Variants in TXNRD2 observed in about 807,000 individuals in gnomAD.
TXNRD2 encodes thioredoxin reductase 2, mitochondrial.
Under a neutral mutation model 70.8 loss-of-function variants are expected in TXNRD2, and 67 were observed. That is an observed-to-expected ratio of 0.95 (90% CI 0.78 to 1.16). The LOEUF is 1.16. TXNRD2 is among the 50% of genes most tolerant of loss of function. The pLI, the probability that TXNRD2 is intolerant of heterozygous loss-of-function variation, is 0.00. For synonymous variants in TXNRD2, 301 were observed against 295.8 expected (o/e 1.02, Z -0.18); for missense variants, 644 against 719.9 (o/e 0.89, Z 1.21).
In TXNRD2 at chr22:19,880,707, T is replaced by C; in HGVS notation, c.1097A>G (p.Glu366Gly). 6.2e-7 allele frequency: 1 copy of C among 1,611,476 alleles called. No individual in the cohort carries two copies. Among genetic ancestry groups the C allele is most frequent in the Non-Finnish European group, 8.5e-7 (1 of 1,179,674 alleles). ...AIGDVVEGRPELTPIAIMAGR... is the reference protein window; with the variant it reads ...AIGDVVEGRPGLTPIAIMAGR... ...GGCCATGATCGCTATGGGTGTCAGCTCAGGCCGCCCCTTGGGGAAGGCACA... is the reference window on the plus strand; with the variant it reads ...GGCCATGATCGCTATGGGTGTCAGCCCAGGCCGCCCCTTGGGGAAGGCACA... The change falls in exon 13 of 18, where the codon GAG (glutamate) becomes GGG (glycine). Residue 366 changes from glutamate to glycine, a missense_variant. Coordinates refer to ENST00000400521, the MANE Select transcript of TXNRD2 (RefSeq NM_006440.5).
chr22:19,915,093 A>T (rs1940573461), intron 7 of TXNRD2, 121 bp downstream of exon 7: 1 of 888,124 alleles, frequency 1.1e-6, no homozygotes, highest in Non-Finnish European at 1.8e-6. Context: ...GATGATAGTG[A>T]GTATAGGGGG....
intron 5 of TXNRD2, chr22:19,916,104 C>T: frequency 4.4e-6 from 2 of 457,380 alleles, no homozygotes; most frequent in South Asian, 2.0e-5. Context: ...TCAGCACGGT[C>T]CTAAGAGGCC....
intron 11 of TXNRD2, among the ~76,000 whole-genome samples, chr22:19,893,463 C>T (rs1939353806): frequency 6.6e-6 from 1 of 152,198 alleles, no homozygotes; most frequent in Non-Finnish European, 1.5e-5. Flanking sequence ...TGACGAGGAC[C>T]CGCAGCCCTC....
rs35099271 is a variant in TXNRD2, at chr22:19,880,221, G to A, written c.1233C>T (p.Ser411=). 2,738 of 1,613,714 alleles carry A rather than the reference G, an allele frequency of 1.7e-3. 34 individuals are homozygous for A. In the African/African-American group the frequency reaches 0.032, roughly 19 times the overall value. The change falls in exon 14 of 18, where the codon TCC becomes TCT. Residue 411 remains serine, a synonymous_variant. Transcript: ENST00000400521. ...TPLEYGCVGL[S]EEEAVARHGQ... ...CGTGGCGAGCCACTGCCTCCTCCTC[G>A]GACAGCCCCACACAGCCATACTCCA...
At chr22:19,880,829 A>C in intron 12 of TXNRD2, 112 bp from the exon 13 acceptor site, 3 of 716,708 alleles carry the variant, frequency 4.2e-6, no homozygotes, top group Non-Finnish European at 7.2e-6. Context: ...AAAATCCCCA[A>C]CACTGGCACC....
chr22:19,934,633 G>A (rs1328847159), intron 1 of TXNRD2, among the ~76,000 whole-genome samples: 4 of 149,808 alleles, frequency 2.7e-5, no homozygotes, highest in African/African-American at 9.8e-5. Flanking sequence ...CACAATCTCA[G>A]CTCACTGCAA....
At chr22:19,888,242 C>G (rs1601398172) in intron 11 of TXNRD2, among the ~76,000 whole-genome samples, 1 of 152,306 alleles carries the variant, frequency 6.6e-6, no homozygotes, top group Middle Eastern at 3.4e-3. Flanking sequence ...CTCCTCTGAT[C>G]ACAATGAGAG....
Position 19,923,770 on chromosome 22 carries a change from C to G in TXNRD2, c.173-4171G>C, listed in dbSNP as rs1941008500. The stretch of plus-strand genomic sequence containing the variant: ...TGAGCCGAGATGGCACCACTGCACT[C>G]AAGCCTGGGCAACAAGAGTGAAACT... On this transcript the variant is annotated intron_variant, in intron 2 of 17. Transcript: ENST00000400521. Among the ~76,000 whole-genome samples, 3 of 149,548 alleles carry G rather than the reference C, an allele frequency of 2.0e-5. No homozygotes were observed. The South Asian group carries it at 6.3e-4, about 32-fold the overall frequency.
At chr22:19,923,568 C>A (rs375931969) in intron 2 of TXNRD2, among the ~76,000 whole-genome samples, 20 of 152,162 alleles carry the variant, frequency 1.3e-4, no homozygotes, top group African/African-American at 4.6e-4. Flanking sequence ...GGGCAGATCA[C>A]CTGAGGTCAG....
intron 8 of TXNRD2, 100 bp from the exon 9 acceptor site, chr22:19,899,168 C>T: frequency 6.7e-7 from 1 of 1,487,644 alleles, no homozygotes; most frequent in Non-Finnish European, 9.2e-7. Flanking sequence ...GGCCCTTGGT[C>T]AGCTCGTGGG....
chr22:19,941,550 C>T, intron 1 of TXNRD2, 151 bp downstream of exon 1: 6 of 1,269,906 alleles, frequency 4.7e-6, no homozygotes, highest in Non-Finnish European at 5.0e-6. Flanking sequence ...GCCCGGACTC[C>T]TGAGCAAGAC....
At chr22:19,885,505 C>T (rs982110091) in intron 11 of TXNRD2, among the ~76,000 whole-genome samples, 2 of 152,230 alleles carry the variant, frequency 1.3e-5, no homozygotes, top group Non-Finnish European at 2.9e-5. Context: ...GAATTGGGTG[C>T]CGGGAGGGCT....
intron 8 of TXNRD2, among the ~76,000 whole-genome samples, chr22:19,907,687 G>A (rs1940118527): frequency 2.0e-5 from 1 of 50,456 alleles, no homozygotes; most frequent in Non-Finnish European, 4.0e-5. Context: ...GAGAGTGTGG[G>A]CGCCGTGGGT....
At chr22:19,908,963 G>A (rs1356767546) in intron 8 of TXNRD2, among the ~76,000 whole-genome samples, 6 of 152,144 alleles carry the variant, frequency 3.9e-5, no homozygotes, top group Non-Finnish European at 8.8e-5. Flanking sequence ...CCAGCACTTT[G>A]GAAGGCCAAG....
chr22:19,888,445 C>T (rs1363655477), intron 11 of TXNRD2, among the ~76,000 whole-genome samples: 1 of 152,266 alleles, frequency 6.6e-6, no homozygotes, highest in Non-Finnish European at 1.5e-5. Context: ...TATCATGCGC[C>T]TCTCTCATCC....
intron 14 of TXNRD2, among the ~76,000 whole-genome samples, chr22:19,878,667 C>T (rs1448766014): frequency 1.3e-5 from 2 of 152,224 alleles, no homozygotes; most frequent in South Asian, 4.1e-4. Flanking sequence ...GCAGGACAGA[C>T]CCTGTCCCAC....
intron 11 of TXNRD2, chr22:19,895,090 T>C: frequency 6.3e-7 from 1 of 1,597,502 alleles, no homozygotes; most frequent in Non-Finnish European, 8.5e-7. Flanking sequence ...GCGAGGATGA[T>C]TGCCTAGTTG....
intron 1 of TXNRD2, among the ~76,000 whole-genome samples, chr22:19,941,049 G>C (rs532128234): frequency 3.9e-5 from 6 of 152,252 alleles, no homozygotes; most frequent in African/African-American, 1.4e-4. Context: ...AGCATCCAGG[G>C]GGCTGGGTCG....
intron 8 of TXNRD2, among the ~76,000 whole-genome samples, chr22:19,901,477 G>A (rs1601420120): frequency 6.6e-6 from 1 of 152,212 alleles, no homozygotes; most frequent in Admixed American, 6.5e-5. Flanking sequence ...CTCGTGTGGA[G>A]GGTCATTTTG....
Sources: allele counts gnomAD v4.1 joint callset (sites outside exome capture counted in the v4.1 genomes callset), GRCh38; gene constraint gnomAD v4.1.1; transcripts MANE v1.5; gene names NCBI Gene and HGNC (gene_info 2026-07-23, HGNC 2026-07-21).